The following SLC11A2 variants were observed in gnomAD, a reference collection of about 807,000 sequenced individuals.
SLC11A2 encodes the protein solute carrier family 11 member 2, also known as natural resistance-associated macrophage protein 2.
In SLC11A2, 38 loss-of-function variants were observed where a neutral mutation model predicts 68.0. That is an observed-to-expected ratio of 0.56 (90% CI 0.43 to 0.73). The LOEUF is 0.73. Ranked by LOEUF, SLC11A2 falls within the 30% of genes least tolerant of loss-of-function variation. The probability of loss-of-function intolerance (pLI) is 0.00; values close to 1 mark genes in which losing one functional copy is unlikely to be tolerated. For missense variants in SLC11A2, 517 were observed against 690.5 expected, an observed-to-expected ratio of 0.75 and a Z score of 2.82; for synonymous variants, 242 against 250.6, an observed-to-expected ratio of 0.97 and a Z score of 0.32.
chr12:51,008,659 A>C, intron 2 of SLC11A2, 35 bp from the exon 3 acceptor site: 3 of 1,527,868 alleles, frequency 2.0e-6, no homozygotes, highest in Non-Finnish European at 2.7e-6. Context: ...ATTAGTAAAA[A>C]ATGAACAAAA....
intron 13 of SLC11A2, 113 bp downstream of exon 13, chr12:50,992,077 T>C (rs770171619): frequency 9.0e-5 from 94 of 1,040,410 alleles, no homozygotes; most frequent in Non-Finnish European, 1.2e-4. Flanking sequence ...ACCACAACCA[T>C]GCCTCTGTCT....
chr12:50,959,080 T>C, the SLC11A2 span, among the ~76,000 whole-genome samples: 22 of 152,256 alleles, frequency 1.4e-4, no homozygotes, highest in East Asian at 4.3e-3. Context: ...TTACTGTGCA[T>C]TTTGTCCTTG....
chr12:50,999,598 A>G, intron 6 of SLC11A2, 183 bp from the exon 7 acceptor site: 1 of 631,132 alleles, frequency 1.6e-6, no homozygotes, highest in Non-Finnish European at 2.8e-6. Context: ...ACTTAATTAC[A>G]TTCATTTAAA....
the SLC11A2 span, among the ~76,000 whole-genome samples, chr12:50,960,383 G>C: frequency 1.3e-5 from 2 of 152,320 alleles, no homozygotes; most frequent in African/African-American, 4.8e-5. Context: ...ACTTGCCACA[G>C]ATAATAACTT....
At chr12:50,994,941 A>G (rs558585082) in intron 10 of SLC11A2, 3 of 372,322 alleles carry the variant, frequency 8.1e-6, no homozygotes, top group Non-Finnish European at 1.5e-5. Flanking sequence ...ATGAGAGAAC[A>G]CCCAGAATAG....
Position 50,987,080 on chromosome 12 carries a change from C to T in SLC11A2, c.*1245G>A. Reference sequence around the variant, plus strand: ...TCTCAGGCTCGGTATGTAAAAATGTCAGAAGTGGCTGAAGTAAAAGCAGCA... The same window carrying T: ...TCTCAGGCTCGGTATGTAAAAATGTTAGAAGTGGCTGAAGTAAAAGCAGCA... On this transcript the variant is annotated 3_prime_UTR_variant, in exon 16 of 16. Coordinates refer to ENST00000262052, the MANE Select transcript of SLC11A2 (RefSeq NM_000617.3). The T allele has an allele frequency of 1.6e-6, 2 of 1,286,418 alleles. No homozygotes were observed. Among genetic ancestry groups the T allele is most frequent in the Non-Finnish European group, 2.0e-6 (2 of 988,370 alleles). The allele number at this position is 1,286,418 out of a possible 1,614,324, so 79.7% of individuals were successfully genotyped here.
chr12:51,016,506 A>AC (rs1376617543), intron 1 of SLC11A2, among the ~76,000 whole-genome samples: 5 of 151,738 alleles, frequency 3.3e-5, no homozygotes, highest in Non-Finnish European at 5.9e-5. Context: ...ACATGGTGAG[A>AC]CCCCATCTTT....
At chr12:51,009,310 G>A in intron 2 of SLC11A2, 1 of 1,272,036 alleles carries the variant, frequency 7.9e-7, no homozygotes, top group East Asian at 3.1e-5. Context: ...GTGATGGCAG[G>A]GCTCATCTCA....
At chr12:50,995,812 C>T (rs1237466989) in intron 9 of SLC11A2, 25 bp from the exon 10 acceptor site, 4 of 1,612,042 alleles carry the variant, frequency 2.5e-6, no homozygotes, top group Non-Finnish European at 2.5e-6. Context: ...ACAGCAGTCA[C>T]TTTTTGACCA....
At chr12:50,981,760 T>C, downstream of SLC11A2, 1 of 1,536,224 alleles carries the variant, frequency 6.5e-7, no homozygotes, top group Admixed American at 2.0e-5. Flanking sequence ...GTCCATGGTG[T>C]TCAGAAGATA....
intron 1 of SLC11A2, among the ~76,000 whole-genome samples, chr12:51,011,277 C>T (rs985214806): frequency 5.3e-5 from 8 of 150,398 alleles, no homozygotes; most frequent in South Asian, 2.1e-4. Context: ...TACAGGTGCC[C>T]GCCACCACGC....
intron 1 of SLC11A2, among the ~76,000 whole-genome samples, chr12:51,018,268 G>A (rs1943798825): frequency 6.6e-6 from 1 of 151,992 alleles, no homozygotes; most frequent in African/African-American, 2.4e-5. Flanking sequence ...GGTTGTGGGT[G>A]CCTGTAATCC....
chr12:50,992,740 A>T, intron 12 of SLC11A2, 70 bp downstream of exon 12: 1 of 1,471,074 alleles, frequency 6.8e-7, no homozygotes. Context: ...CAAAAAAAAA[A>T]AAAAAAGAAG....
At chr12:51,000,275 G>T in intron 6 of SLC11A2, 38 bp downstream of exon 6, 1 of 1,427,910 alleles carries the variant, frequency 7.0e-7, no homozygotes, top group Non-Finnish European at 9.9e-7. Context: ...TGGAAATCCA[G>T]CAAAACACTG....
At chr12:51,011,448 A>G (rs1384902422) in intron 1 of SLC11A2, among the ~76,000 whole-genome samples, 1 of 151,252 alleles carries the variant, frequency 6.6e-6, no homozygotes, top group South Asian at 2.1e-4. Flanking sequence ...TTTTTTAATA[A>G]GCATCTACAC....
chr12:51,028,527 G>A, upstream of SLC11A2: 1 of 312,822 alleles, frequency 3.2e-6, no homozygotes, highest in Non-Finnish European at 5.8e-6. Context: ...GCAGGAGCAA[G>A]AGTAGGTGGC....
the SLC11A2 span, among the ~76,000 whole-genome samples, chr12:50,955,013 CG>C: frequency 6.6e-6 from 1 of 152,016 alleles, no homozygotes; most frequent in African/African-American, 2.4e-5. Context: ...ATAATTAGGC[CG>C]GGCACAGTGG....
intron 1 of SLC11A2, among the ~76,000 whole-genome samples, chr12:51,019,639 T>C (rs1023260096): frequency 1.3e-5 from 2 of 150,064 alleles, no homozygotes; most frequent in African/African-American, 4.9e-5. Context: ...AAAATATCCA[T>C]CCAACTTTTT....
At chr12:51,010,199 C>T (rs959642028) in intron 2 of SLC11A2, among the ~76,000 whole-genome samples, 2 of 67,896 alleles carry the variant, frequency 2.9e-5, no homozygotes, top group Non-Finnish European at 6.8e-5. Flanking sequence ...AAAAAAAAAA[C>T]CAAACAAACA....
Sources: gnomAD v4.1 joint callset for allele counts (sites outside exome capture counted in the v4.1 genomes callset) on GRCh38, gnomAD v4.1.1 for gene constraint, MANE v1.5 for transcripts, NCBI Gene and HGNC (gene_info 2026-07-23, HGNC 2026-07-21) for gene names.